CSNK1G1: variants seen among roughly 807,000 people sequenced by gnomAD.
The protein encoded by CSNK1G1 is casein kinase 1 gamma 1.
Under a neutral mutation model 59.6 loss-of-function variants are expected in CSNK1G1, and 22 were observed. The observed-to-expected ratio is 0.37, with a 90% CI of 0.26 to 0.53. The LOEUF (loss-of-function observed/expected upper bound fraction) is 0.53, where lower values mean the gene tolerates loss of function less well. Ranked by LOEUF, CSNK1G1 falls within the 20% of genes least tolerant of loss-of-function variation. The probability of loss-of-function intolerance (pLI) is 0.89; values close to 1 mark genes in which losing one functional copy is unlikely to be tolerated. For synonymous variants in CSNK1G1, 179 were observed against 177.1 expected, an observed-to-expected ratio of 1.01 and a Z score of -0.08; for missense variants, 384 against 519.5, an observed-to-expected ratio of 0.74 and a Z score of 2.54.
chr15:64,305,229 G>A (rs985299814), intron 1 of CSNK1G1, among the ~76,000 whole-genome samples: 8 of 152,018 alleles, frequency 5.3e-5, no homozygotes, highest in African/African-American at 1.9e-4. Context: ...AAAACACAGG[G>A]TAAATTTCAA....
At chr15:64,295,963 G>T (rs113371375) in intron 2 of CSNK1G1, among the ~76,000 whole-genome samples, 2,082 of 152,256 alleles carry the variant, frequency 0.014, 12 homozygotes, top group Non-Finnish European at 0.02. Context: ...AAATGCTGCT[G>T]TGATATGCTG....
Position 64,169,588 on chromosome 15 carries a change from G to A in CSNK1G1, c.*2343C>T, listed in dbSNP as rs573625599. The A allele has an allele frequency of 8.8e-4, 134 of 152,262 alleles. 1 individual carries two copies. Among genetic ancestry groups the A allele is most frequent in the African/African-American group, 3.2e-3 (132 of 41,538 alleles). 9.4% of individuals were successfully genotyped at this position (152,262 alleles called of 1,614,324 possible). A position where few individuals can be genotyped will look rare whatever the true frequency, so the allele number is the denominator to read the frequency against. On this transcript the variant is annotated 3_prime_UTR_variant, in exon 12 of 12. Transcript: ENST00000303052. ...ATTTTCTATACAGGGGTGAGGAAAA[G>A]TTAAACTTTCTATACAGTAAGTTAG...
chr15:64,350,860 G>T (rs1424186153), intron 1 of CSNK1G1, among the ~76,000 whole-genome samples: 1 of 151,168 alleles, frequency 6.6e-6, no homozygotes, highest in East Asian at 1.9e-4. Context: ...CTCCAAATAA[G>T]TAATCTCCAC....
At chr15:64,201,541 T>G (rs1232928114) in intron 10 of CSNK1G1, among the ~76,000 whole-genome samples, 1 of 152,210 alleles carries the variant, frequency 6.6e-6, no homozygotes, top group African/African-American at 2.4e-5. Flanking sequence ...CAGAGTTTGC[T>G]TAACCCTTTC....
intron 1 of CSNK1G1, among the ~76,000 whole-genome samples, chr15:64,317,201 G>C (rs1896320923): frequency 1.3e-5 from 2 of 152,114 alleles, no homozygotes; most frequent in African/African-American, 4.8e-5. Context: ...CAATTTTCCT[G>C]CTTCAGCCTC....
chr15:64,232,475 T>C (rs1215108291), intron 4 of CSNK1G1, among the ~76,000 whole-genome samples: 1 of 152,230 alleles, frequency 6.6e-6, no homozygotes, highest in Non-Finnish European at 1.5e-5. Flanking sequence ...TAAGTTTTAA[T>C]ATAATACAGT....
chr15:64,235,519 C>T (rs147587322), intron 4 of CSNK1G1, among the ~76,000 whole-genome samples: 2,040 of 151,902 alleles, frequency 0.013, 24 homozygotes, highest in Middle Eastern at 0.041. Context: ...ACACTGAAAA[C>T]GAAAAAAACC....
chr15:64,247,455 T>C (rs568467994), intron 4 of CSNK1G1, among the ~76,000 whole-genome samples: 35 of 152,314 alleles, frequency 2.3e-4, no homozygotes, highest in African/African-American at 8.2e-4. Context: ...CCTGATTATC[T>C]TGGAGATATC....
At chr15:64,195,673 A>G (rs1218933068) in intron 10 of CSNK1G1, among the ~76,000 whole-genome samples, 1 of 152,218 alleles carries the variant, frequency 6.6e-6, no homozygotes, top group African/African-American at 2.4e-5. Flanking sequence ...ACGTTTTGCC[A>G]GGTAGAAGCA....
intron 1 of CSNK1G1, among the ~76,000 whole-genome samples, chr15:64,326,794 T>TG (rs1287587748): frequency 2.7e-5 from 4 of 150,786 alleles, no homozygotes; most frequent in African/African-American, 9.8e-5. Flanking sequence ...TGCCAGACAG[T>TG]GGGCGCAGGC....
intron 10 of CSNK1G1, among the ~76,000 whole-genome samples, chr15:64,184,463 G>A (rs1469267733): frequency 6.6e-6 from 1 of 151,998 alleles, no homozygotes; most frequent in Non-Finnish European, 1.5e-5. Context: ...GATTGCCTGA[G>A]CTCAGCAGTT....
intron 10 of CSNK1G1, among the ~76,000 whole-genome samples, chr15:64,202,585 A>G (rs1315172671): frequency 6.7e-6 from 1 of 148,214 alleles, no homozygotes; most frequent in Non-Finnish European, 1.5e-5. Context: ...GTCTCACTCT[A>G]TCACTCAGGC....
At chr15:64,345,171 T>C (rs1316801053) in intron 1 of CSNK1G1, among the ~76,000 whole-genome samples, 1 of 152,210 alleles carries the variant, frequency 6.6e-6, no homozygotes, top group Non-Finnish European at 1.5e-5. Context: ...AGGACAGTTA[T>C]AAAGCCAAGT....
Position 64,188,884 on chromosome 15 carries a change from T to C in CSNK1G1, c.1108-8430A>G, listed in dbSNP as rs1400119473. Among the ~76,000 whole-genome samples the C allele has an allele frequency of 6.6e-6, 1 of 152,164 alleles. No individual in the cohort carries two copies. The highest frequency in any genetic ancestry group is 6.5e-5 in the Admixed American group (1 of 15,276). ...GGCATACGCCTATAATCTCAGCACT[T>C]TGGGAGGCCAAGGTGGGCGGATCAC... On this transcript the variant is annotated intron_variant, in intron 10 of 11. Transcript: ENST00000303052. The surrounding 1 kb of genome is among the most constrained non-coding windows in gnomAD (Gnocchi z 4.2).
intron 4 of CSNK1G1, among the ~76,000 whole-genome samples, chr15:64,240,958 T>C (rs1352841719): frequency 6.6e-6 from 1 of 151,996 alleles, no homozygotes; most frequent in Non-Finnish European, 1.5e-5. Flanking sequence ...AAGAGAGGAA[T>C]AAAGAATATA....
Position 64,214,104 on chromosome 15 carries a change from C to T in CSNK1G1, c.465G>A (p.Val155=). The T allele has an allele frequency of 6.2e-7, 1 of 1,613,446 alleles. No homozygotes were observed. The highest frequency in any genetic ancestry group is 8.5e-7 in the Non-Finnish European group (1 of 1,179,468). ...AIQLLSRMEY[V]HSKNLIYRDV... is the part of the protein sequence containing the mutation. ...CTCGGTAAATGAGGTTCTTTGAGTG[C>T]ACGTATTCCATTCGAGAAAGCTGAA... The change falls in exon 6 of 12, where the codon GTG becomes GTA. Residue 155 remains valine (V), a synonymous_variant. Transcript: ENST00000303052. This position sits in a 1 kb window ranked among gnomAD's most constrained non-coding sequence, Gnocchi z 4.3.
At chr15:64,296,309 C>T (rs530260663) in intron 2 of CSNK1G1, among the ~76,000 whole-genome samples, 2 of 151,994 alleles carry the variant, frequency 1.3e-5, no homozygotes, top group African/African-American at 4.8e-5. Flanking sequence ...TTTGTAGAGA[C>T]GAGGTTTTGC....
intron 8 of CSNK1G1, 69 bp from the exon 9 acceptor site, chr15:64,204,658 T>C (rs948151883): frequency 4.0e-5 from 60 of 1,510,388 alleles, no homozygotes; most frequent in East Asian, 1.6e-4. Flanking sequence ...TGGGGAAGCA[T>C]TGGGCCACAA....
chr15:64,248,896 G>A (rs987675660), intron 4 of CSNK1G1, among the ~76,000 whole-genome samples: 8 of 148,370 alleles, frequency 5.4e-5, no homozygotes, highest in Non-Finnish European at 7.5e-5. Flanking sequence ...CGAGGCAGGC[G>A]GATCACGAGG....
Sources: gnomAD v4.1 joint callset for allele counts (sites outside exome capture counted in the v4.1 genomes callset) on GRCh38, gnomAD v4.1.1 for gene constraint, Gnocchi (gnomAD v3.1) non-coding constraint, MANE v1.5 for transcripts, NCBI Gene and HGNC (gene_info 2026-07-23, HGNC 2026-07-21) for gene names.